Variants in TOB2 observed in about 807,000 individuals in gnomAD.
TOB2 encodes protein Tob2.
In TOB2, 3 loss-of-function variants were observed where a neutral mutation model predicts 17.3. That is an observed-to-expected ratio of 0.17 (90% CI 0.08 to 0.45). The LOEUF is 0.45. Among genes scored for constraint, TOB2 ranks in the 20% least tolerant of loss-of-function variants. The probability of loss-of-function intolerance (pLI) is 0.99; values close to 1 mark genes in which losing one functional copy is unlikely to be tolerated. For synonymous variants in TOB2, 163 were observed against 185.6 expected (o/e 0.88, Z 0.99); for missense variants, 407 against 445.7 (o/e 0.91, Z 0.78).
chr22:41,440,177 G>A (rs975327495), intron 1 of TOB2, among the ~76,000 whole-genome samples: 2 of 151,592 alleles, frequency 1.3e-5, no homozygotes, highest in African/African-American at 4.9e-5. Flanking sequence ...GAGTGCAATG[G>A]CACGGTCTCG....
intron 1 of TOB2, among the ~76,000 whole-genome samples, chr22:41,441,834 C>G (rs550340558): frequency 6.6e-6 from 1 of 151,730 alleles, no homozygotes; most frequent in Admixed American, 6.6e-5. Context: ...TTGCTTGAAC[C>G]CAGGAGGCGG....
Position 41,436,210 on chromosome 22 carries a change from C to A in TOB2, c.*101G>T. ...TTTCTAGAAGTAAGAGTGAGAAGATCGAAAATCTTTTTGTACATTTTTCTT... is the reference window on the plus strand; with the variant it reads ...TTTCTAGAAGTAAGAGTGAGAAGATAGAAAATCTTTTTGTACATTTTTCTT... On this transcript the variant is annotated 3_prime_UTR_variant, in exon 2 of 2. Transcript: ENST00000327492. The surrounding 1 kb of genome is among the most constrained non-coding windows in gnomAD (Gnocchi z 4.8). The A allele has an allele frequency of 7.1e-7, 1 of 1,404,982 alleles. No individual in the cohort carries two copies. The allele number at this position is 1,404,982 out of a possible 1,614,324, so 87.0% of individuals were successfully genotyped here. A position where few individuals can be genotyped will look rare whatever the true frequency, so the allele number is the denominator to read the frequency against.
rs749494672 is a variant in TOB2 at position 41,438,630 on chromosome 22, C to CAAAAAAAAAAAAAAAAAAAAA, written c.-62-1244_-62-1224dup. ...GGGCAACAAGAGCGAAACTCTGTCT[C>CAAAAAAAAAAAAAAAAAAAAA]AAAAAAAAAAAAAAAAAAAAAAAAA... On this transcript the variant is annotated intron_variant, in intron 1 of 1. Transcript: ENST00000327492. Among the ~76,000 whole-genome samples, 8 of 12,692 alleles carry CAAAAAAAAAAAAAAAAAAAAA rather than the reference C, an allele frequency of 6.3e-4. 2 individuals are homozygous for CAAAAAAAAAAAAAAAAAAAAA. The highest frequency in any genetic ancestry group is 9.3e-4 in the Non-Finnish European group (5 of 5,394). 8.3% of individuals were successfully genotyped at this position (12,692 alleles called of 152,430 possible).
rs143665405 is a variant in TOB2 at position 41,440,141 on chromosome 22, G to A, written c.-62-2734C>T. On this transcript the variant is annotated intron_variant, in intron 1 of 1. Coordinates refer to ENST00000327492, the MANE Select transcript of TOB2 (RefSeq NM_016272.4). ...TTCTTTTTTTTTTTTTTTTTGAGAC[G>A]GAGTCTTGCTCTGTCGCCCAGGCTG... 6.9e-3 allele frequency among the ~76,000 whole-genome samples: 1,022 copies of A among 148,584 alleles called. 15 individuals carry two copies. Among genetic ancestry groups the A allele is most frequent in the African/African-American group, 0.023 (948 of 40,446 alleles).
At chr22:41,438,920 C>T (rs1034696011) in intron 1 of TOB2, among the ~76,000 whole-genome samples, 12 of 152,020 alleles carry the variant, frequency 7.9e-5, no homozygotes, top group South Asian at 2.1e-4. Flanking sequence ...CACCTGTCCT[C>T]GGCAGCAGAT....
In TOB2 at chr22:41,436,827, G is replaced by A. The variant is rs746111573; in HGVS notation, c.519C>T (p.Pro173=). 6.2e-7 allele frequency: 1 copy of A among 1,614,072 alleles called. No individual in the cohort carries two copies. The highest frequency in any genetic ancestry group is 1.1e-5 in the South Asian group (1 of 91,082). ...CGAAGGAGGCGGTGGTGAAGGTGAT[G>A]GGCTGAGCGGAGCGGGGAATGAAGG... ...SPTFIPRSAQ[P]ITFTTASFAA... Residue 173 remains proline (P), a synonymous_variant, in exon 2 of 2, where the codon CCC becomes CCT. Coordinates refer to ENST00000327492, the MANE Select transcript of TOB2 (RefSeq NM_016272.4). The surrounding 1 kb of genome is among the most constrained non-coding windows in gnomAD (Gnocchi z 4.8).
chr22:41,436,907 C>T lies in TOB2; in HGVS notation c.439G>A (p.Asp147Asn). 1.2e-6 allele frequency: 2 copies of T among 1,614,224 alleles called. No individual in the cohort carries two copies. The highest frequency in any genetic ancestry group is 1.7e-6 in the Non-Finnish European group (2 of 1,180,042). Residue 147 changes from aspartate (D) to asparagine (N), a missense_variant, in exon 2 of 2, where the codon GAC (aspartate) becomes AAC (asparagine). Physicochemically the swap from Asp to Asn is conservative, Grantham distance 23. Transcript: ENST00000327492. This position sits in a 1 kb window ranked among gnomAD's most constrained non-coding sequence, Gnocchi z 4.8. ...GATGGGGAGTTGGACAGGGAGCTGT[C>T]CTGGCTGCCAATGGGCACGAACACC... ...AQVFVPIGSQ[D>N]SSLSNSPSPS...
chr22:41,438,585 G>A (rs1363358338), intron 1 of TOB2, among the ~76,000 whole-genome samples: 8 of 118,850 alleles, frequency 6.7e-5, no homozygotes, highest in South Asian at 2.9e-4. Flanking sequence ...AGCCGAGATC[G>A]CACCATTGTA....
chr22:41,437,948 CAAAAAAAAAAAAA>C (rs35151486), intron 1 of TOB2, among the ~76,000 whole-genome samples: 3 of 44,492 alleles, frequency 6.7e-5, no homozygotes, highest in Admixed American at 4.8e-4. Flanking sequence ...GACTCCATCT[CAAAAAAAAAAAAA>C]AAAAAAAAAA....
At position 41,437,374 on chromosome 22, in the gene TOB2, A is replaced by G. The variant is rs1444793488; in HGVS notation, c.-29T>C. On this transcript the variant is annotated 5_prime_UTR_variant, in exon 2 of 2. Transcript: ENST00000327492. ...CCTTTCCTAGGCAGAGAATCAGCAC[A>G]GGGCACGTGTACAGCCTTGGGCTCC... The G allele has an allele frequency of 6.3e-7, 1 of 1,593,870 alleles. No individual in the cohort carries two copies. The highest frequency in any genetic ancestry group is 8.5e-7 in the Non-Finnish European group (1 of 1,170,358).
chr22:41,433,704 G>A lies in TOB2; in HGVS notation c.*2607C>T. The A allele has an allele frequency of 2.2e-6, 1 of 451,904 alleles. No individual in the cohort carries two copies. The highest frequency in any genetic ancestry group is 4.5e-6 in the Non-Finnish European group (1 of 220,588). The allele number at this position is 451,904 out of a possible 1,614,324, so 28.0% of individuals were successfully genotyped here. A position where few individuals can be genotyped will look rare whatever the true frequency, so the allele number is the denominator to read the frequency against. ...AAAAAGTTCATGACCCTGCTCCCCG[G>A]GCTCCTCTCCAGGCTTGCCTCAATG... On this transcript the variant is annotated 3_prime_UTR_variant, in exon 2 of 2. Coordinates refer to ENST00000327492, the MANE Select transcript of TOB2 (RefSeq NM_016272.4).
intron 1 of TOB2, among the ~76,000 whole-genome samples, chr22:41,438,741 G>A (rs2037583252): frequency 6.7e-6 from 1 of 150,274 alleles, no homozygotes; most frequent in Non-Finnish European, 1.5e-5. Flanking sequence ...ACCAACAAGG[G>A]AACTGCTGAC....
At position 41,435,235 on chromosome 22, in the gene TOB2, A is replaced by G. The variant is rs2037532442; in HGVS notation, c.*1076T>C. ...TATTATTATTTTTTTGGTCAAAAAC[A>G]AAACTGCAGATCCTTCCACAGTCTG... is the stretch of plus-strand genomic sequence containing the variant. On this transcript the variant is annotated 3_prime_UTR_variant, in exon 2 of 2. Transcript: ENST00000327492. 1 of 152,212 alleles carries G rather than the reference A, an allele frequency of 6.6e-6. No homozygotes were observed. Among genetic ancestry groups the G allele is most frequent in the East Asian group, 1.9e-4 (1 of 5,198 alleles). 9.4% of individuals were successfully genotyped at this position (152,212 alleles called of 1,614,324 possible).
Position 41,436,815 on chromosome 22 carries a change from G to A in TOB2, c.531C>T (p.Thr177=), listed in dbSNP as rs778932939. 6 of 1,613,994 alleles carry A rather than the reference G, an allele frequency of 3.7e-6. No individual in the cohort carries two copies. In the Admixed American group the frequency reaches 5.0e-5, roughly 13 times the overall value. The change falls in exon 2 of 2, where the codon ACC becomes ACT. Residue 177 remains threonine, a synonymous_variant. Coordinates refer to ENST00000327492, the MANE Select transcript of TOB2 (RefSeq NM_016272.4). The surrounding 1 kb of genome is among the most constrained non-coding windows in gnomAD (Gnocchi z 4.8). The part of the protein sequence containing the change: ...IPRSAQPITF[T]TASFAATKFG... Reference sequence around the variant, plus strand: ...ATTTGGTGGCAGCGAAGGAGGCGGTGGTGAAGGTGATGGGCTGAGCGGAGC... The same window carrying A: ...ATTTGGTGGCAGCGAAGGAGGCGGTAGTGAAGGTGATGGGCTGAGCGGAGC...
chr22:41,440,768 C>T (rs1225711432), intron 1 of TOB2, among the ~76,000 whole-genome samples: 1 of 151,962 alleles, frequency 6.6e-6, no homozygotes, highest in Non-Finnish European at 1.5e-5. Flanking sequence ...GGTTTCATCA[C>T]GTTGGCCAGG....
Position 41,436,109 on chromosome 22 carries a change from C to T in TOB2, c.*202G>A, listed in dbSNP as rs975470051. On this transcript the variant is annotated 3_prime_UTR_variant, in exon 2 of 2. Transcript: ENST00000327492. The surrounding 1 kb of genome is among the most constrained non-coding windows in gnomAD (Gnocchi z 4.8). ...ACCAAATAAATCACAGGCCGGTGGG[C>T]GAGCGGTAAGGGGTGAGTGAAACAC... 7 of 501,280 alleles carry T rather than the reference C, an allele frequency of 1.4e-5. No individual in the cohort carries two copies. In the East Asian group the frequency reaches 2.0e-4, roughly 14 times the overall value. The allele number at this position is 501,280 out of a possible 1,614,324, so 31.1% of individuals were successfully genotyped here.
At chr22:41,438,991 T>G (rs2037585801) in intron 1 of TOB2, among the ~76,000 whole-genome samples, 1 of 152,074 alleles carries the variant, frequency 6.6e-6, no homozygotes. Context: ...AACACCAGAT[T>G]GTTATTTTGG....
chr22:41,442,564 G>A (rs1242791374), intron 1 of TOB2, among the ~76,000 whole-genome samples: 1 of 152,202 alleles, frequency 6.6e-6, no homozygotes, highest in Non-Finnish European at 1.5e-5. Context: ...TGCCACCTTT[G>A]CCTCTTTAAT....
chr22:41,435,691 G>A lies in TOB2; in HGVS notation c.*620C>T, dbSNP rs1318103454. ...TGTAGTCACAGACATCAGCTCCAGG[G>A]GGAGGGTGTCAAGTGGCCAGCCAGC... On this transcript the variant is annotated 3_prime_UTR_variant, in exon 2 of 2. Coordinates refer to ENST00000327492, the MANE Select transcript of TOB2 (RefSeq NM_016272.4). The A allele has an allele frequency of 6.5e-6, 1 of 152,864 alleles. No homozygotes were observed. Among genetic ancestry groups the A allele is most frequent in the Non-Finnish European group, 1.5e-5 (1 of 68,212 alleles). 9.5% of individuals were successfully genotyped at this position (152,864 alleles called of 1,614,324 possible).
Sources: allele counts gnomAD v4.1 joint callset (sites outside exome capture counted in the v4.1 genomes callset), GRCh38; gene constraint gnomAD v4.1.1; non-coding constraint Gnocchi (gnomAD v3.1); transcripts MANE v1.5; gene names NCBI Gene and HGNC (gene_info 2026-07-23, HGNC 2026-07-21).